CCNF: variants seen among roughly 807,000 people sequenced by gnomAD.
CCNF encodes cyclin-F.
CCNF carries 30 observed loss-of-function variants against 85.4 expected under a neutral mutation model. The observed-to-expected ratio is 0.35, with a 90% CI of 0.26 to 0.48. The LOEUF is 0.48. Among genes scored for constraint, CCNF ranks in the 20% least tolerant of loss-of-function variants. The probability of loss-of-function intolerance (pLI) is 0.99; values close to 1 mark genes in which losing one functional copy is unlikely to be tolerated. For synonymous variants in CCNF, 439 were observed against 425.1 expected (o/e 1.03, Z -0.40); for missense variants, 919 against 1,010.4 (o/e 0.91, Z 1.23).
intron 6 of CCNF, among the ~76,000 whole-genome samples, chr16:2,438,337 G>A (rs1366279721): frequency 6.6e-6 from 1 of 152,214 alleles, no homozygotes; most frequent in Non-Finnish European, 1.5e-5. Flanking sequence ...GGGGAGTGGG[G>A]GACGGTGAGA....
In CCNF at chr16:2,438,201, A is replaced by G. The variant is rs957867337; in HGVS notation, c.594+78A>G. The G allele has an allele frequency of 5.3e-6, 6 of 1,124,644 alleles. No individual in the cohort carries two copies. In the Admixed American group the frequency reaches 8.4e-5, roughly 16 times the overall value. 69.7% of individuals were successfully genotyped at this position (1,124,644 alleles called of 1,614,324 possible). ...CGAGATCCTGGAACTGAAAAGCAGC[A>G]GAAGGGGGTGTCCAAGGCCCAAAAC... On this transcript the variant is annotated intron_variant, in intron 6 of 16. Transcript: ENST00000397066.
chr16:2,451,608 T>C lies in CCNF; in HGVS notation c.1488-1602T>C, dbSNP rs112284643. Among the ~76,000 whole-genome samples the C allele has an allele frequency of 0.019, 2,918 of 152,222 alleles. 99 individuals carry two copies. Among genetic ancestry groups the C allele is most frequent in the African/African-American group, 0.061 (2,528 of 41,522 alleles). The stretch of plus-strand genomic sequence containing the variant: ...GTTGGGGGCCCAGGCTGGAGTGCAG[T>C]GGCACCATCCTAGCTCACTGCAGCC... On this transcript the variant is annotated intron_variant, in intron 13 of 16. Transcript: ENST00000397066. The surrounding 1 kb of genome is among the most constrained non-coding windows in gnomAD (Gnocchi z 4.3).
chr16:2,436,995 C>A, intron 4 of CCNF, 134 bp from the exon 5 acceptor site: 1 of 595,072 alleles, frequency 1.7e-6, no homozygotes, highest in Admixed American at 3.6e-5. Context: ...CTGGAGGGCT[C>A]TACTCTCCTG....
intron 8 of CCNF, 29 bp from the exon 9 acceptor site, chr16:2,443,620 C>A: frequency 6.2e-7 from 1 of 1,606,976 alleles, no homozygotes; most frequent in Non-Finnish European, 8.5e-7. Context: ...GCTGCTGTCT[C>A]ACGCTCATGT....
At position 2,443,807 on chromosome 16, in the gene CCNF, C is replaced by G. The variant is rs147684222; in HGVS notation, c.929+7C>G. ...GACTCAATGACACAATGAGGTGAGG[C>G]ATTCAGGCCGGGGCTTCTAATCAGA... On this transcript the variant is annotated splice_region_variant and intron_variant, in intron 9 of 16. Coordinates refer to ENST00000397066, the MANE Select transcript of CCNF (RefSeq NM_001761.3). The G allele has an allele frequency of 1.2e-5, 19 of 1,613,768 alleles. No individual in the cohort carries two copies. The East Asian group carries it at 4.0e-4, about 34-fold the overall frequency.
In CCNF at chr16:2,453,560, T is replaced by C; in HGVS notation, c.1715+23T>C. ...ACGGTTAGTTACCCTGCGTTCTGGCTGCGCCATACAATGCTGGCATCCTCG... is the reference window on the plus strand; with the variant it reads ...ACGGTTAGTTACCCTGCGTTCTGGCCGCGCCATACAATGCTGGCATCCTCG... On this transcript the variant is annotated intron_variant, in intron 15 of 16. Transcript: ENST00000397066. The surrounding 1 kb of genome is among the most constrained non-coding windows in gnomAD (Gnocchi z 5.6). 6.2e-7 allele frequency: 1 copy of C among 1,613,570 alleles called. No homozygotes were observed. Among genetic ancestry groups the C allele is most frequent in the East Asian group, 2.2e-5 (1 of 44,872 alleles).
intron 8 of CCNF, among the ~76,000 whole-genome samples, chr16:2,443,126 ATAT>A (rs1394059698): frequency 1.5e-5 from 2 of 132,692 alleles, no homozygotes; most frequent in Non-Finnish European, 3.1e-5. Context: ...TACATATTAT[ATAT>A]TATATGTTTT....
chr16:2,432,775 G>A (rs568993817), intron 2 of CCNF, among the ~76,000 whole-genome samples, 186 bp from the exon 3 acceptor site: 4 of 152,240 alleles, frequency 2.6e-5, no homozygotes, highest in African/African-American at 9.6e-5. Flanking sequence ...AGAGAAACTC[G>A]TTTCTGGGCT....
intron 3 of CCNF, among the ~76,000 whole-genome samples, chr16:2,434,030 G>A (rs1371272607): frequency 3.9e-5 from 6 of 152,220 alleles, no homozygotes; most frequent in East Asian, 1.9e-4. Context: ...TAACTCAGCC[G>A]GGTGTGGCGT....
At chr16:2,449,210 T>C (rs2065379017) in intron 11 of CCNF, 72 bp from the exon 12 acceptor site, 2 of 1,552,966 alleles carry the variant, frequency 1.3e-6, no homozygotes, top group Non-Finnish European at 1.8e-6. Flanking sequence ...GACCCTGCGC[T>C]GGGCCTGCAT....
In CCNF at chr16:2,457,335, TG is replaced by T; in HGVS notation, c.*317del. On this transcript the variant is annotated 3_prime_UTR_variant, in exon 17 of 17. Coordinates refer to ENST00000397066, the MANE Select transcript of CCNF (RefSeq NM_001761.3). ...TGGAAGCTTCAGCCCATGTGTGTCC[TG>T]GTGTTCCCAGCCCCACCAGAGCCCC... 1 of 237,512 alleles carries T rather than the reference TG, an allele frequency of 4.2e-6. No homozygotes were observed. The highest frequency in any genetic ancestry group is 8.2e-6 in the Non-Finnish European group (1 of 121,962). The allele number at this position is 237,512 out of a possible 1,614,324, so 14.7% of individuals were successfully genotyped here.
Position 2,435,885 on chromosome 16 carries a change from C to T in CCNF, c.346+12C>T, listed in dbSNP as rs1041288772. ...CTACAATGAAGGCCGTAAGTCCTCACCCCACCTGCATGTTGGCGCTTCAGA... is the reference window on the plus strand; with the variant it reads ...CTACAATGAAGGCCGTAAGTCCTCATCCCACCTGCATGTTGGCGCTTCAGA... On this transcript the variant is annotated intron_variant, in intron 4 of 16. Coordinates refer to ENST00000397066, the MANE Select transcript of CCNF (RefSeq NM_001761.3). 17 of 1,604,710 alleles carry T rather than the reference C, an allele frequency of 1.1e-5. No homozygotes were observed. Among genetic ancestry groups the T allele is most frequent in the Non-Finnish European group, 1.5e-5 (17 of 1,171,790 alleles).
At chr16:2,439,908 T>TG (rs1567385026) in intron 8 of CCNF, 82 bp downstream of exon 8, 5 of 1,213,118 alleles carry the variant, frequency 4.1e-6, no homozygotes, top group East Asian at 4.9e-5. Context: ...GCTCCCACAT[T>TG]GGGGGGCAGG....
intron 10 of CCNF, among the ~76,000 whole-genome samples, chr16:2,446,573 C>A (rs74006624): frequency 1.2e-4 from 18 of 152,198 alleles, no homozygotes; most frequent in Non-Finnish European, 2.5e-4. Flanking sequence ...ACCAGCTGTC[C>A]CCAGCATGGT....
At chr16:2,445,901 T>A (rs1265263970) in intron 10 of CCNF, among the ~76,000 whole-genome samples, 1 of 152,098 alleles carries the variant, frequency 6.6e-6, no homozygotes, top group East Asian at 1.9e-4. Flanking sequence ...CTAATTTTTT[T>A]GTATTTTTAG....
intron 3 of CCNF, 104 bp downstream of exon 3, chr16:2,433,171 G>C: frequency 7.0e-6 from 5 of 711,722 alleles, no homozygotes; most frequent in Non-Finnish European, 1.2e-5. Flanking sequence ...TCCTGTTGCT[G>C]TCTCCCATGA....
At position 2,437,268 on chromosome 16, in the gene CCNF, C is replaced by T; in HGVS notation, c.486C>T (p.Ser162=). 1 of 1,609,798 alleles carries T rather than the reference C, an allele frequency of 6.2e-7. No homozygotes were observed. Among genetic ancestry groups the T allele is most frequent in the Non-Finnish European group, 8.5e-7 (1 of 1,178,702 alleles). The stretch of plus-strand genomic sequence containing the variant: ...GCCCTCCGTGGTCGGTGAGCGGAAG[C>T]TGCTGCAAGGCCGTGGTTCACGAGA... The part of the protein sequence containing the change: ...FIRPPWSVSG[S]CCKAVVHESL... Residue 162 remains serine (S), a synonymous_variant, in exon 5 of 17, where the codon AGC becomes AGT. Transcript: ENST00000397066.
Position 2,453,291 on chromosome 16 carries a change from A to G in CCNF, c.1569A>G (p.Gly523=). Reference sequence around the variant, plus strand: ...AGCGGTTTGAGGACAAGCGCTATGGAGAAATCAGCCAGGAAGAGGTGCCTC... The same window carrying G: ...AGCGGTTTGAGGACAAGCGCTATGGGGAAATCAGCCAGGAAGAGGTGCCTC... ...VKQRFEDKRY[G]EISQEEVLSY... The change falls in exon 14 of 17, where the codon GGA becomes GGG. Residue 523 remains glycine (G), a synonymous_variant. Coordinates refer to ENST00000397066, the MANE Select transcript of CCNF (RefSeq NM_001761.3). The surrounding 1 kb of genome is among the most constrained non-coding windows in gnomAD (Gnocchi z 5.6). 6.2e-7 allele frequency: 1 copy of G among 1,613,888 alleles called. No homozygotes were observed. Among genetic ancestry groups the G allele is most frequent in the Non-Finnish European group, 8.5e-7 (1 of 1,180,016 alleles).
intron 5 of CCNF, 92 bp downstream of exon 5, chr16:2,437,414 G>C: frequency 1.0e-6 from 1 of 996,254 alleles, no homozygotes; most frequent in Non-Finnish European, 1.4e-6. Context: ...ACCCTGGAAA[G>C]TCAGGAGCCT....
Sources: gnomAD v4.1 joint callset for allele counts (sites outside exome capture counted in the v4.1 genomes callset) on GRCh38, gnomAD v4.1.1 for gene constraint, Gnocchi (gnomAD v3.1) non-coding constraint, MANE v1.5 for transcripts, NCBI Gene and HGNC (gene_info 2026-07-23, HGNC 2026-07-21) for gene names.